Variants in GPM6A observed in about 807,000 individuals in gnomAD.
GPM6A encodes the protein glycoprotein M6A.
In GPM6A, 7 loss-of-function variants were observed where a neutral mutation model predicts 32.1. The observed-to-expected ratio is 0.22, with a 90% CI of 0.12 to 0.41. The LOEUF (loss-of-function observed/expected upper bound fraction) is 0.41. Ranked by LOEUF, GPM6A falls within the 10% of genes least tolerant of loss-of-function variation. The probability of loss-of-function intolerance (pLI) is 1.00; values close to 1 mark genes in which losing one functional copy is unlikely to be tolerated. For missense variants in GPM6A, 235 were observed against 347.2 expected, an observed-to-expected ratio of 0.68 and a Z score of 2.57; for synonymous variants, 130 against 123.4, an observed-to-expected ratio of 1.05 and a Z score of -0.35.
intron 1 of GPM6A, among the ~76,000 whole-genome samples, chr4:175,751,882 G>A (rs1732351054): frequency 1.3e-5 from 2 of 152,058 alleles, no homozygotes; most frequent in Admixed American, 6.6e-5. Flanking sequence ...AATTGAGGGA[G>A]CAAGTTAAAG....
intron 1 of GPM6A, among the ~76,000 whole-genome samples, chr4:175,889,257 ATTTT>A (rs897988945): frequency 1.1e-4 from 17 of 152,094 alleles, no homozygotes; most frequent in African/African-American, 4.1e-4. Flanking sequence ...AATACAAACA[ATTTT>A]TTTAAGACTG....
rs1378886561 is a variant in GPM6A at position 175,924,858 on chromosome 4, A to AG, written c.-23+77450_-23+77451insC. ...CTGTCTCAAAAAAAAAAAAAAAAAA[A>AG]AGAGAGAAGTCTGAAATACTTGTGC... On this transcript the variant is annotated intron_variant, in intron 1 of 7. Transcript: ENST00000280187. 2.6e-5 allele frequency among the ~76,000 whole-genome samples: 4 copies of AG among 151,584 alleles called. No homozygotes were observed. In the East Asian group the frequency reaches 5.8e-4, roughly 22 times the overall value.
At chr4:175,944,558 G>A (rs1163214617) in intron 1 of GPM6A, among the ~76,000 whole-genome samples, 2 of 152,130 alleles carry the variant, frequency 1.3e-5, no homozygotes, top group Non-Finnish European at 2.9e-5. Flanking sequence ...AGACAGAACA[G>A]ACACAGATTA....
chr4:175,776,666 G>GT (rs1466098263), intron 1 of GPM6A, among the ~76,000 whole-genome samples: 1 of 152,072 alleles, frequency 6.6e-6, no homozygotes, highest in Non-Finnish European at 1.5e-5. Context: ...AGTTTCATAC[G>GT]TTTTTCCTAG....
intron 1 of GPM6A, among the ~76,000 whole-genome samples, chr4:175,707,964 G>A (rs1474183025): frequency 6.6e-6 from 1 of 152,054 alleles, no homozygotes; most frequent in Non-Finnish European, 1.5e-5. Context: ...AAAAAAAATG[G>A]TGTCACTGGG....
At position 175,889,793 on chromosome 4, in the gene GPM6A, A is replaced by C. The variant is rs1030465912; in HGVS notation, c.-22-77544T>G. 3.3e-5 allele frequency among the ~76,000 whole-genome samples: 5 copies of C among 152,194 alleles called. No individual in the cohort carries two copies. The South Asian group carries it at 1.0e-3, about 32-fold the overall frequency. On this transcript the variant is annotated intron_variant, in intron 1 of 7. Coordinates refer to the GPM6A transcript ENST00000280187. ...GCGCCACTGCACTCCAGCCTGGGTG[A>C]CAGAGCGAGACTCCGTCTCAAACAA...
chr4:175,798,794 A>G (rs561724272), intron 1 of GPM6A: 3 of 152,144 alleles, frequency 2.0e-5, no homozygotes, highest in East Asian at 3.9e-4. Flanking sequence ...AAATGTAAAG[A>G]TATTTATTTC....
At chr4:175,905,126 AT>A (rs1399850742) in intron 1 of GPM6A, among the ~76,000 whole-genome samples, 1 of 152,192 alleles carries the variant, frequency 6.6e-6, no homozygotes, top group African/African-American at 2.4e-5. Flanking sequence ...AAGTGACAAG[AT>A]GAAGGAAAAC....
chr4:175,707,632 T>G (rs1249054740), intron 1 of GPM6A, among the ~76,000 whole-genome samples: 1 of 152,170 alleles, frequency 6.6e-6, no homozygotes, highest in African/African-American at 2.4e-5. Flanking sequence ...ATTTTGGGCT[T>G]TATTTCTTTT....
chr4:175,898,661 T>G (rs896697789), intron 1 of GPM6A, among the ~76,000 whole-genome samples: 1 of 152,180 alleles, frequency 6.6e-6, no homozygotes, highest in Non-Finnish European at 1.5e-5. Context: ...TATTCTTCCT[T>G]GGTAAAACTA....
chr4:175,974,935 C>T (rs1554006341), intron 1 of GPM6A, among the ~76,000 whole-genome samples: 1 of 152,212 alleles, frequency 6.6e-6, no homozygotes, highest in Non-Finnish European at 1.5e-5. Context: ...CTGCCTGCCT[C>T]AGCCTCCCAA....
At chr4:175,924,839 C>CAAAAA (rs1190915755) in intron 1 of GPM6A, among the ~76,000 whole-genome samples, 1 of 61,998 alleles carries the variant, frequency 1.6e-5, no homozygotes, top group African/African-American at 4.5e-5. Context: ...AAATCTGTCT[C>CAAAAA]AAAAAAAAAA....
intron 1 of GPM6A, among the ~76,000 whole-genome samples, chr4:175,733,083 C>T (rs956212994): frequency 6.6e-5 from 10 of 152,018 alleles, no homozygotes; most frequent in Non-Finnish European, 1.5e-4. Context: ...AGTTTTTAGC[C>T]CAGTAGTGAA....
chr4:175,860,475 C>G (rs573990960), intron 1 of GPM6A, among the ~76,000 whole-genome samples: 6 of 151,838 alleles, frequency 4.0e-5, no homozygotes, highest in African/African-American at 1.5e-4. Context: ...ATGAAAGACA[C>G]AAATTACCAA....
At chr4:175,640,687 A>G in intron 5 of GPM6A, 66 bp downstream of exon 5, 2 of 1,066,984 alleles carry the variant, frequency 1.9e-6, no homozygotes, top group Admixed American at 1.8e-5. Context: ...GTTTTAATAC[A>G]TTATCCAAAT....
intron 1 of GPM6A, among the ~76,000 whole-genome samples, chr4:175,872,029 G>GT (rs968601543): frequency 1.3e-4 from 19 of 151,976 alleles, no homozygotes; most frequent in Non-Finnish European, 2.4e-4. Context: ...TCTCTCTATG[G>GT]TTTTTTTCTT....
At chr4:175,892,310 A>G (rs1364602326) in intron 1 of GPM6A, among the ~76,000 whole-genome samples, 1 of 152,170 alleles carries the variant, frequency 6.6e-6, no homozygotes, top group Non-Finnish European at 1.5e-5. Context: ...TAGAAAAACA[A>G]TCTGCTACTT....
intron 1 of GPM6A, among the ~76,000 whole-genome samples, chr4:175,829,918 T>C (rs1018727121): frequency 1.3e-5 from 2 of 152,052 alleles, no homozygotes; most frequent in African/African-American, 4.8e-5. Flanking sequence ...CAGATTTGGA[T>C]ACTATAAGAT....
intron 1 of GPM6A, among the ~76,000 whole-genome samples, chr4:175,829,802 C>T (rs1187918681): frequency 6.7e-6 from 1 of 150,174 alleles, no homozygotes; most frequent in African/African-American, 2.4e-5. Context: ...TACTATAAAA[C>T]TAAATGGAGG....
Sources: gnomAD v4.1 joint callset for allele counts (sites outside exome capture counted in the v4.1 genomes callset) on GRCh38, gnomAD v4.1.1 for gene constraint, MANE v1.5 for transcripts, NCBI Gene and HGNC (gene_info 2026-07-23, HGNC 2026-07-21) for gene names.